PAK5: variants seen among roughly 807,000 people sequenced by gnomAD.
PAK5 encodes serine/threonine-protein kinase PAK 5.
In PAK5, 16 loss-of-function variants were observed where a neutral mutation model predicts 65.9. That is an observed-to-expected ratio of 0.24 (90% CI 0.16 to 0.37). The LOEUF (loss-of-function observed/expected upper bound fraction) is 0.37, where lower values mean the gene tolerates loss of function less well. PAK5 is among the 10% of genes least tolerant of loss of function. The pLI is 1.00. For synonymous variants in PAK5, 371 were observed against 354.9 expected, an observed-to-expected ratio of 1.05 and a Z score of -0.51; for missense variants, 785 against 903.9, an observed-to-expected ratio of 0.87 and a Z score of 1.69.
At chr20:9,818,141 G>A (rs1372335297) in intron 1 of PAK5, among the ~76,000 whole-genome samples, 1 of 152,156 alleles carries the variant, frequency 6.6e-6, no homozygotes, top group East Asian at 1.9e-4. Flanking sequence ...AGTCAGTTTA[G>A]CAAAATCCTT....
chr20:9,780,693 C>T (rs1208044582), intron 1 of PAK5, among the ~76,000 whole-genome samples: 1 of 151,950 alleles, frequency 6.6e-6, no homozygotes, highest in Non-Finnish European at 1.5e-5. Context: ...GTACACACCC[C>T]CCTTGGAAGC....
chr20:9,620,820 C>T (rs1228382658), intron 3 of PAK5, among the ~76,000 whole-genome samples: 3 of 152,038 alleles, frequency 2.0e-5, no homozygotes, highest in Non-Finnish European at 4.4e-5. Context: ...CGCCATCAGT[C>T]CCCAGGTGTA....
At chr20:9,792,901 C>A (rs915817035) in intron 1 of PAK5, among the ~76,000 whole-genome samples, 9 of 152,070 alleles carry the variant, frequency 5.9e-5, no homozygotes, top group African/African-American at 1.4e-4. Context: ...TGGCAGAAAG[C>A]GAACAGGCAG....
intron 3 of PAK5, among the ~76,000 whole-genome samples, chr20:9,615,143 A>G (rs1008597581): frequency 2.0e-5 from 3 of 152,250 alleles, no homozygotes; most frequent in African/African-American, 4.8e-5. Context: ...TAAGGTGGCA[A>G]TAAAAGGATT....
chr20:9,766,475 GTATATATATATTCAAGCAGAATATATA>G lies in PAK5; in HGVS notation c.-161-55067_-161-55041del, dbSNP rs1295908179. On this transcript the variant is annotated intron_variant, in intron 1 of 9. Coordinates refer to ENST00000353224, the MANE Select transcript of PAK5 (RefSeq NM_177990.4). Reference sequence around the variant, plus strand: ...ATATATATTCAAGCAGAATATATATGTATATATATATTCAAGCAGAATATATATATATATATATTCAAGCAGAATATA... The same window carrying G: ...ATATATATTCAAGCAGAATATATATGTATATATATATTCAAGCAGAATATA... 4.5e-4 allele frequency among the ~76,000 whole-genome samples: 16 copies of G among 35,336 alleles called. 1 individual carries two copies. Among genetic ancestry groups the G allele is most frequent in the African/African-American group, 1.9e-3 (9 of 4,818 alleles). 23.2% of individuals were successfully genotyped at this position (35,336 alleles called of 152,430 possible). A position where few individuals can be genotyped will look rare whatever the true frequency, so the allele number is the denominator to read the frequency against.
At position 9,580,148 on chromosome 20, in the gene PAK5, T is replaced by C. The variant is rs1264647376; in HGVS notation, c.987A>G (p.Pro329=). The change falls in exon 4 of 10, where the codon CCA becomes CCG. Residue 329 remains proline, a synonymous_variant. Transcript: ENST00000353224. ...GAAAGGAGGTAGCAAACGTTACCTT[T>C]GGAATGCACATTGTGGGCTCGGACA... ...PRLSEPTMCI[P]KVDYDRAQMV... is the part of the protein sequence containing the mutation. The C allele has an allele frequency of 6.2e-7, 1 of 1,602,098 alleles. No individual in the cohort carries two copies. The highest frequency in any genetic ancestry group is 8.5e-7 in the Non-Finnish European group (1 of 1,170,670).
chr20:9,546,394 C>G (rs2045345176), intron 7 of PAK5, among the ~76,000 whole-genome samples: 1 of 152,142 alleles, frequency 6.6e-6, no homozygotes, highest in Non-Finnish European at 1.5e-5. Context: ...TAAAAATTTA[C>G]ACAGTGTGAA....
chr20:9,647,193 G>T (rs542569957), intron 2 of PAK5, among the ~76,000 whole-genome samples: 2 of 152,202 alleles, frequency 1.3e-5, no homozygotes, highest in Non-Finnish European at 2.9e-5. Context: ...TAACTCAAAG[G>T]AGTTTTGATT....
At position 9,580,185 on chromosome 20, in the gene PAK5, G is replaced by GTGTAGGAGT. The variant is rs2045952377; in HGVS notation, c.941_949dup (p.Asn314_Tyr316dup). 1.2e-6 allele frequency: 2 copies of GTGTAGGAGT among 1,613,960 alleles called. No homozygotes were observed. Among genetic ancestry groups the GTGTAGGAGT allele is most frequent in the Non-Finnish European group, 1.7e-6 (2 of 1,179,966 alleles). On this transcript the variant is annotated inframe_insertion, in exon 4 of 10. Coordinates refer to ENST00000353224, the MANE Select transcript of PAK5 (RefSeq NM_177990.4). ...TGTGGGCTCGGACAAGCGAGGGTAG[G>GTGTAGGAGT]TGTAGGAGTTGTAGGAGTGTCCTTG...
At chr20:9,820,130 C>T (rs2049402663) in intron 1 of PAK5, among the ~76,000 whole-genome samples, 1 of 152,150 alleles carries the variant, frequency 6.6e-6, no homozygotes, top group African/African-American at 2.4e-5. Flanking sequence ...CCCTTTCAAA[C>T]AAAAGAATCC....
At chr20:9,565,599 C>A (rs1231116011) in intron 5 of PAK5, among the ~76,000 whole-genome samples, 2 of 152,112 alleles carry the variant, frequency 1.3e-5, no homozygotes, top group Non-Finnish European at 2.9e-5. Context: ...TAACCTGAGT[C>A]CAGGTTTCCT....
chr20:9,551,012 T>C (rs6056692), intron 7 of PAK5, among the ~76,000 whole-genome samples: 27,846 of 151,860 alleles, frequency 0.18, 3,279 homozygotes, highest in African/African-American at 0.33. Context: ...CCTGACAAAA[T>C]GTGAGATGAG....
At chr20:9,823,029 A>C (rs2049441250) in intron 1 of PAK5, among the ~76,000 whole-genome samples, 1 of 152,248 alleles carries the variant, frequency 6.6e-6, no homozygotes, top group African/African-American at 2.4e-5. Context: ...CTGAAGGTAA[A>C]AATACTAAGA....
intron 2 of PAK5, among the ~76,000 whole-genome samples, chr20:9,684,233 T>C (rs1473802309): frequency 6.6e-6 from 1 of 152,142 alleles, no homozygotes. Flanking sequence ...AATAAACTGT[T>C]TGGGCTCAGA....
intron 7 of PAK5, among the ~76,000 whole-genome samples, chr20:9,546,865 A>G (rs1192529814): frequency 6.6e-6 from 1 of 152,238 alleles, no homozygotes; most frequent in African/African-American, 2.4e-5. Context: ...ATTTTAATAT[A>G]GATAGAAGAA....
chr20:9,804,953 G>A (rs527910538), intron 1 of PAK5, among the ~76,000 whole-genome samples: 1 of 151,966 alleles, frequency 6.6e-6, no homozygotes, highest in South Asian at 2.1e-4. Context: ...CCCACAAAAT[G>A]GGATAAAATA....
intron 3 of PAK5, among the ~76,000 whole-genome samples, chr20:9,593,574 C>G (rs929331541): frequency 6.6e-6 from 1 of 152,154 alleles, no homozygotes; most frequent in East Asian, 1.9e-4. Flanking sequence ...CTCCTCTTGA[C>G]CCCCACTCCC....
At chr20:9,555,382 A>G (rs2045490804) in intron 7 of PAK5, among the ~76,000 whole-genome samples, 1 of 152,200 alleles carries the variant, frequency 6.6e-6, no homozygotes, top group African/African-American at 2.4e-5. Context: ...TCTTTAAGTA[A>G]TTTGATTAAA....
chr20:9,706,327 T>C lies in PAK5; in HGVS notation c.-12+4959A>G, dbSNP rs190610821. ...TATCCTGCAATCTGCATCATCACAA[T>C]AGCTCCCTGAAGCCACAAACACAGT... is the stretch of plus-strand genomic sequence containing the variant. On this transcript the variant is annotated intron_variant, in intron 2 of 9. Coordinates refer to ENST00000353224, the MANE Select transcript of PAK5 (RefSeq NM_177990.4). 3.9e-5 allele frequency among the ~76,000 whole-genome samples: 6 copies of C among 152,248 alleles called. No homozygotes were observed. The East Asian group carries it at 1.2e-3, about 29-fold the overall frequency.
Sources: allele counts gnomAD v4.1 joint callset (sites outside exome capture counted in the v4.1 genomes callset), GRCh38; gene constraint gnomAD v4.1.1; transcripts MANE v1.5; gene names NCBI Gene and HGNC (gene_info 2026-07-23, HGNC 2026-07-21).